The following FANCB variants were observed in gnomAD, a reference collection of about 807,000 sequenced individuals.
FANCB encodes the protein Fanconi anemia group B protein.
Under a neutral mutation model 38.9 loss-of-function variants are expected in FANCB, and 5 were observed. The ratio of observed to expected loss-of-function variants is 0.13; its 90% CI spans 0.07 to 0.27. The LOEUF (loss-of-function observed/expected upper bound fraction) is 0.27, where lower values mean the gene tolerates loss of function less well. FANCB is among the 10% of genes least tolerant of loss of function. FANCB has a pLI of 1.00. For synonymous variants in FANCB, 236 were observed against 215.4 expected, an observed-to-expected ratio of 1.10 and a Z score of -0.84; for missense variants, 573 against 602.7, an observed-to-expected ratio of 0.95 and a Z score of 0.52.
At chrX:14,712,130 A>G in the FANCB span, among the ~76,000 whole-genome samples, 2 of 112,941 alleles carry the variant, frequency 1.8e-5, no homozygotes, top group Non-Finnish European at 3.7e-5. Flanking sequence ...TTCCTTTGCC[A>G]GAGCAGATAT....
the FANCB span, among the ~76,000 whole-genome samples, chrX:14,787,498 T>C: frequency 3.6e-5 from 4 of 110,658 alleles, no homozygotes; most frequent in African/African-American, 1.3e-4. Context: ...TGACCAGAAT[T>C]AATGTATTGT....
At chrX:14,863,859 G>A (rs2092456909) in intron 3 of FANCB, among the ~76,000 whole-genome samples, 1 of 112,231 alleles carries the variant, frequency 8.9e-6, no homozygotes, top group Admixed American at 9.4e-5. Flanking sequence ...AGTTGGCCGG[G>A]CATGGTGACT....
the FANCB span, among the ~76,000 whole-genome samples, chrX:14,726,038 TA>T: frequency 8.9e-6 from 1 of 112,415 alleles, no homozygotes; most frequent in Non-Finnish European, 1.9e-5. Context: ...AGTTTCTGGC[TA>T]ATCAGAAGAA....
At chrX:14,738,262 C>G in the FANCB span, among the ~76,000 whole-genome samples, 1 of 112,216 alleles carries the variant, frequency 8.9e-6, no homozygotes, top group Non-Finnish European at 1.9e-5. Context: ...ACCACATATG[C>G]TGGTGAAACA....
At chrX:14,743,925 TTATAAAA>T in the FANCB span, among the ~76,000 whole-genome samples, 1 of 111,850 alleles carries the variant, frequency 8.9e-6, no homozygotes, top group Non-Finnish European at 1.9e-5. Context: ...CTCCCTCTCC[TTATAAAA>T]ACACCTTAGA....
the FANCB span, among the ~76,000 whole-genome samples, chrX:14,772,262 C>G: frequency 2.7e-5 from 3 of 111,791 alleles, no homozygotes; most frequent in Non-Finnish European, 5.7e-5. Context: ...GAGCTCCATC[C>G]CAGGGAGATA....
intron 1 of FANCB, among the ~76,000 whole-genome samples, chrX:14,872,290 T>C (rs1202630263): frequency 8.9e-6 from 1 of 112,383 alleles, no homozygotes; most frequent in East Asian, 2.8e-4. Flanking sequence ...CTACGGTTGA[T>C]GGAAATATGG....
intron 7 of FANCB, among the ~76,000 whole-genome samples, chrX:14,847,618 AAC>A (rs1239668466): frequency 9.0e-6 from 1 of 110,802 alleles, no homozygotes; most frequent in Non-Finnish European, 1.9e-5. Flanking sequence ...AAGAAAACAA[AAC>A]AGTTTGAGGA....
chrX:14,785,064 G>C, the FANCB span, among the ~76,000 whole-genome samples: 1 of 111,921 alleles, frequency 8.9e-6, no homozygotes, highest in Non-Finnish European at 1.9e-5. Context: ...GCTCATGCAT[G>C]CTGGGTTTAA....
the FANCB span, among the ~76,000 whole-genome samples, chrX:14,726,369 C>T: frequency 3.7e-4 from 41 of 112,064 alleles, no homozygotes; most frequent in Non-Finnish European, 7.1e-4. Context: ...TTGAATGCAT[C>T]ATAATGGTAA....
the FANCB span, among the ~76,000 whole-genome samples, chrX:14,726,668 T>C: frequency 8.9e-6 from 1 of 112,604 alleles, no homozygotes; most frequent in African/African-American, 3.2e-5. Context: ...GATTCTAACC[T>C]GACATCCTTC....
the FANCB span, among the ~76,000 whole-genome samples, chrX:14,734,739 CT>C: frequency 9.1e-6 from 1 of 110,396 alleles, no homozygotes; most frequent in Admixed American, 9.7e-5. Flanking sequence ...TTGTGGTGTT[CT>C]CTGTATTTCC....
chrX:14,868,768 TAC>T (rs1232695739), intron 2 of FANCB, among the ~76,000 whole-genome samples, 153 bp downstream of exon 2: 1 of 112,310 alleles, frequency 8.9e-6, no homozygotes, highest in Non-Finnish European at 1.9e-5. Context: ...GAAGAAAGGA[TAC>T]ATTCATGAGG....
the FANCB span, among the ~76,000 whole-genome samples, chrX:14,736,220 A>G: frequency 9.0e-6 from 1 of 110,509 alleles, no homozygotes; most frequent in Non-Finnish European, 1.9e-5. Flanking sequence ...CCCTGGCTTC[A>G]GCCCCCTTTC....
the FANCB span, among the ~76,000 whole-genome samples, chrX:14,787,503 T>C: frequency 9.0e-6 from 1 of 110,840 alleles, no homozygotes; most frequent in African/African-American, 3.3e-5. Context: ...AGAATTAATG[T>C]ATTGTATATT....
the FANCB span, among the ~76,000 whole-genome samples, chrX:14,758,029 T>G: frequency 3.2e-3 from 356 of 111,666 alleles, 1 homozygote; most frequent in African/African-American, 0.011. Flanking sequence ...CACGGTGGAA[T>G]TGAGACCAGC....
chrX:14,833,757 C>A (rs1045598604), downstream of FANCB, among the ~76,000 whole-genome samples: 1 of 109,420 alleles, frequency 9.1e-6, no homozygotes, highest in African/African-American at 3.3e-5. Flanking sequence ...CCCAGGAGTT[C>A]CAGACCAGCC....
the FANCB span, among the ~76,000 whole-genome samples, chrX:14,817,613 T>C: frequency 9.0e-6 from 1 of 111,433 alleles, no homozygotes; most frequent in Non-Finnish European, 1.9e-5. Flanking sequence ...AACACCACAA[T>C]AACCCCCTAG....
At chrX:14,737,483 C>T in the FANCB span, among the ~76,000 whole-genome samples, 75 of 111,701 alleles carry the variant, frequency 6.7e-4, 3 homozygotes, top group East Asian at 0.02. Context: ...TTTAACTTTA[C>T]GAGAGCTTTT....
Sources: allele counts gnomAD v4.1 joint callset (sites outside exome capture counted in the v4.1 genomes callset), GRCh38; gene constraint gnomAD v4.1.1; transcripts MANE v1.5; gene names NCBI Gene and HGNC (gene_info 2026-07-23, HGNC 2026-07-21).